WDR27: variants seen among roughly 807,000 people sequenced by gnomAD.
WDR27 encodes WD repeat domain 27.
Under a neutral mutation model 114.4 loss-of-function variants are expected in WDR27, and 100 were observed. That is an observed-to-expected ratio of 0.87 (90% CI 0.74 to 1.03). The LOEUF (loss-of-function observed/expected upper bound fraction) is 1.03, where lower values mean the gene tolerates loss of function less well. WDR27 is among the 50% of genes least tolerant of loss of function. The pLI, the probability that WDR27 is intolerant of heterozygous loss-of-function variation, is 0.00. For synonymous variants in WDR27, 449 were observed against 423.1 expected (o/e 1.06, Z -0.75); for missense variants, 1,129 against 1,092.9 (o/e 1.03, Z -0.47).
At chr6:169,444,122 A>G in the WDR27 span, among the ~76,000 whole-genome samples, 4 of 152,066 alleles carry the variant, frequency 2.6e-5, no homozygotes, top group Non-Finnish European at 5.9e-5. Flanking sequence ...GCAAATGGCC[A>G]TGATTCCATC....
downstream of WDR27, among the ~76,000 whole-genome samples, chr6:169,453,376 G>A (rs138055717): frequency 1.9e-3 from 283 of 152,102 alleles, 2 homozygotes; most frequent in African/African-American, 6.6e-3. Flanking sequence ...GAATGTCCAG[G>A]TCATCCGTTG....
At chr6:169,669,078 T>C (rs761038309) in intron 4 of WDR27, among the ~76,000 whole-genome samples, 20 of 152,256 alleles carry the variant, frequency 1.3e-4, no homozygotes, top group Non-Finnish European at 2.4e-4. Flanking sequence ...CCATTGTCTA[T>C]GATATGAATA....
In WDR27 at chr6:169,666,813, G is replaced by T. The variant is rs554151044; in HGVS notation, c.712+323C>A. 8 of 985,444 alleles carry T rather than the reference G, an allele frequency of 8.1e-6. No individual in the cohort carries two copies. The African/African-American group carries it at 1.2e-4, about 15-fold the overall frequency. The allele number at this position is 985,444 out of a possible 1,614,324, so 61.0% of individuals were successfully genotyped here. A position where few individuals can be genotyped will look rare whatever the true frequency, so the allele number is the denominator to read the frequency against. ...GGCCCTACCAACACCGCTGGTTCTG[G>T]GATGTGTTTCTACAGAGAGCAGAAG... On this transcript the variant is annotated intron_variant, in intron 6 of 25. Transcript: ENST00000448612.
intron 25 of WDR27, among the ~76,000 whole-genome samples, chr6:169,471,419 G>T (rs1465065902): frequency 6.6e-6 from 1 of 151,980 alleles, no homozygotes; most frequent in African/African-American, 2.4e-5. Flanking sequence ...AAGAGTAGTA[G>T]ATTTTATTTT....
At chr6:169,510,066 C>T (rs1168119153) in intron 25 of WDR27, among the ~76,000 whole-genome samples, 2 of 152,148 alleles carry the variant, frequency 1.3e-5, no homozygotes, top group African/African-American at 4.8e-5. Flanking sequence ...AAATGCAAAT[C>T]GAAACCACAA....
At position 169,632,768 on chromosome 6, in the gene WDR27, T is replaced by C. The variant is rs75258653; in HGVS notation, c.2223+179A>G. ...AACGTAGAAAACTTAACATTCAACA[T>C]GATATTAAAATATCTCCTAGGGTCA... On this transcript the variant is annotated intron_variant, in intron 21 of 25. Transcript: ENST00000448612. 7.4e-3 allele frequency among the ~76,000 whole-genome samples: 1,129 copies of C among 152,346 alleles called. 11 individuals are homozygous for C. The highest frequency in any genetic ancestry group is 0.026 in the African/African-American group (1,079 of 41,574).
chr6:169,632,973 G>A lies in WDR27; in HGVS notation c.2197C>T (p.Pro733Ser), dbSNP rs1182792738. The A allele has an allele frequency of 6.3e-7, 1 of 1,593,160 alleles. No homozygotes were observed. The change falls in exon 21 of 26, where the codon CCT (proline) becomes TCT (serine). Residue 733 changes from proline to serine, a missense_variant. Pro to Ser is a moderately conservative substitution (Grantham distance 74). Coordinates refer to ENST00000448612, the MANE Select transcript of WDR27 (RefSeq NM_182552.5). ...AAVIAEAHSR[P>S]VHQICQNKGS... is the part of the protein sequence containing the mutation. ...TTATTTTGGCAGATTTGATGGACAG[G>A]CCGTGAGTGGGCTTCCGCTATCACC...
intron 25 of WDR27, among the ~76,000 whole-genome samples, chr6:169,532,586 T>C (rs539523765): frequency 1.3e-5 from 2 of 152,284 alleles, no homozygotes; most frequent in African/African-American, 4.8e-5. Context: ...TACCCACAAA[T>C]GCACAATGAA....
chr6:169,428,614 G>A, the WDR27 span, among the ~76,000 whole-genome samples: 12 of 150,826 alleles, frequency 8.0e-5, 1 homozygote, highest in Middle Eastern at 0.014. Context: ...GGGGAGGGGG[G>A]GGTTCTACTC....
Position 169,695,372 on chromosome 6 carries a change from G to A in WDR27, c.-8+6179C>T, listed in dbSNP as rs368228472. 3.3e-5 allele frequency among the ~76,000 whole-genome samples: 5 copies of A among 152,304 alleles called. No homozygotes were observed. The East Asian group carries it at 5.8e-4, about 18-fold the overall frequency. ...CTGGGGAAGAACAGGTTTGGCAGGG[G>A]AGAAGCATAGATTCCGTTTTGGATA... On this transcript the variant is annotated intron_variant, in intron 1 of 25. Transcript: ENST00000448612.
At chr6:169,493,910 T>G (rs1790087661) in intron 25 of WDR27, among the ~76,000 whole-genome samples, 1 of 152,170 alleles carries the variant, frequency 6.6e-6, no homozygotes, top group South Asian at 2.1e-4. Flanking sequence ...CAGTTGATAA[T>G]AAGAAGCATT....
At chr6:169,611,306 C>CT (rs56812983) in intron 22 of WDR27, among the ~76,000 whole-genome samples, 110,091 of 132,090 alleles carry the variant, frequency 0.83, 47,287 homozygotes, top group Non-Finnish European at 0.93. Context: ...TTTTTACTTA[C>CT]TTTTTTTTTT....
At position 169,701,549 on chromosome 6, in the gene WDR27, A is replaced by G. The variant is rs1158585632; in HGVS notation, c.-8+2T>C. On this transcript the variant is annotated splice_donor_variant, in intron 1 of 25. Transcript: ENST00000448612. LOFTEE classifies it low-confidence loss of function (5UTR_SPLICE). ...CACAGCTGCTTTAATTAAAATAACCACCTGAGCCCTTTTCCTCCGAACTCC... is the reference window on the plus strand; with the variant it reads ...CACAGCTGCTTTAATTAAAATAACCGCCTGAGCCCTTTTCCTCCGAACTCC... 6.3e-6 allele frequency: 1 copy of G among 157,994 alleles called. No homozygotes were observed. The highest frequency in any genetic ancestry group is 1.4e-5 in the Non-Finnish European group (1 of 71,648). 9.8% of individuals were successfully genotyped at this position (157,994 alleles called of 1,614,324 possible). A position where few individuals can be genotyped will look rare whatever the true frequency, so the allele number is the denominator to read the frequency against.
chr6:169,542,851 A>G (rs565655276), intron 25 of WDR27, among the ~76,000 whole-genome samples: 53 of 152,240 alleles, frequency 3.5e-4, no homozygotes, highest in Admixed American at 3.4e-3. Flanking sequence ...CAGTAGCCAT[A>G]TTTTAAATAA....
At chr6:169,587,795 G>C (rs1458471161) in intron 23 of WDR27, among the ~76,000 whole-genome samples, 2 of 152,198 alleles carry the variant, frequency 1.3e-5, no homozygotes, top group Admixed American at 6.5e-5. Flanking sequence ...CAAGGTTTTC[G>C]TGCCTGCTGG....
intron 25 of WDR27, among the ~76,000 whole-genome samples, chr6:169,492,923 T>C (rs1375197110): frequency 2.0e-5 from 3 of 152,000 alleles, no homozygotes; most frequent in Non-Finnish European, 4.4e-5. Flanking sequence ...TCATTAAGTA[T>C]ATAAATTAAA....
intron 2 of WDR27, among the ~76,000 whole-genome samples, chr6:169,676,757 C>T (rs1780173431): frequency 1.3e-5 from 2 of 152,258 alleles, no homozygotes; most frequent in South Asian, 2.1e-4. Flanking sequence ...AGAAAATTAT[C>T]GAATCCACCT....
At chr6:169,574,681 G>A (rs2867148) in intron 24 of WDR27, among the ~76,000 whole-genome samples, 88,874 of 152,052 alleles carry the variant, frequency 0.58, 27,890 homozygotes, top group Non-Finnish European at 0.69. Context: ...TCCAGGACTC[G>A]GTGAGTGTGT....
At chr6:169,529,321 G>GC (rs929382336) in intron 25 of WDR27, among the ~76,000 whole-genome samples, 3 of 139,970 alleles carry the variant, frequency 2.1e-5, no homozygotes, top group Admixed American at 7.1e-5. Flanking sequence ...GCGGGGGGGG[G>GC]GGGCAGCTAA....
Sources: gnomAD v4.1 joint callset for allele counts (sites outside exome capture counted in the v4.1 genomes callset) on GRCh38, gnomAD v4.1.1 for gene constraint, MANE v1.5 for transcripts, NCBI Gene and HGNC (gene_info 2026-07-23, HGNC 2026-07-21) for gene names.